LRRTM3: variants seen among roughly 807,000 people sequenced by gnomAD.
LRRTM3 encodes the protein leucine rich repeat transmembrane neuronal 3.
In LRRTM3, 24 loss-of-function variants were observed where a neutral mutation model predicts 44.7. That is an observed-to-expected ratio of 0.54 (90% CI 0.39 to 0.76). The LOEUF (loss-of-function observed/expected upper bound fraction) is 0.76. LRRTM3 is among the 30% of genes least tolerant of loss of function. LRRTM3 has a pLI of 0.00. For missense variants in LRRTM3, 587 were observed against 702.2 expected, an observed-to-expected ratio of 0.84 and a Z score of 1.85; for synonymous variants, 277 against 278.7, an observed-to-expected ratio of 0.99 and a Z score of 0.06.
intron 2 of LRRTM3, among the ~76,000 whole-genome samples, chr10:67,028,240 T>TTTG (rs1330984749): frequency 5.3e-5 from 8 of 152,154 alleles, no homozygotes; most frequent in Non-Finnish European, 8.8e-5. Context: ...TCATTGTTTG[T>TTTG]TTGTTGTTGT....
chr10:67,005,743 T>G (rs1252490697), intron 2 of LRRTM3, among the ~76,000 whole-genome samples: 3 of 124,642 alleles, frequency 2.4e-5, no homozygotes, highest in Admixed American at 2.2e-4. Flanking sequence ...TGGAGTGCAA[T>G]GGTATGATCT....
In LRRTM3 at chr10:67,074,613, G is replaced by A. The variant is rs546345946; in HGVS notation, c.1537-22974G>A. ...AATCCACCCACCTCGGGTTCCCAAA[G>A]TGCTGGGATTACAGGCGTGAGCCAC... On this transcript the variant is annotated intron_variant, in intron 2 of 2. Transcript: ENST00000361320. Among the ~76,000 whole-genome samples, 5 of 152,126 alleles carry A rather than the reference G, an allele frequency of 3.3e-5. No homozygotes were observed. In the South Asian group the frequency reaches 6.2e-4, roughly 19 times the overall value.
intron 2 of LRRTM3, among the ~76,000 whole-genome samples, chr10:67,038,007 G>T (rs1372032148): frequency 6.6e-6 from 1 of 152,108 alleles, no homozygotes; most frequent in Admixed American, 6.6e-5. Context: ...ATTCATGTAA[G>T]CCATAGGAGA....
At chr10:67,035,948 ACTTTTCTTG>A (rs1854023260) in intron 2 of LRRTM3, among the ~76,000 whole-genome samples, 1 of 152,170 alleles carries the variant, frequency 6.6e-6, no homozygotes, top group African/African-American at 2.4e-5. Flanking sequence ...GAACTAGACA[ACTTTTCTTG>A]CTTTTCTTTT....
At chr10:67,032,102 C>T (rs1018527033) in intron 2 of LRRTM3, among the ~76,000 whole-genome samples, 1 of 152,136 alleles carries the variant, frequency 6.6e-6, no homozygotes, top group Non-Finnish European at 1.5e-5. Context: ...GAAATCTTCA[C>T]CATTTTCCCA....
chr10:67,084,949 G>T (rs966774274), intron 2 of LRRTM3, among the ~76,000 whole-genome samples: 1 of 151,820 alleles, frequency 6.6e-6, no homozygotes, highest in Non-Finnish European at 1.5e-5. Flanking sequence ...TTTGTGCCTT[G>T]TATGTTATAA....
intron 2 of LRRTM3, among the ~76,000 whole-genome samples, chr10:66,982,888 G>GA (rs1850521505): frequency 6.6e-6 from 1 of 152,126 alleles, no homozygotes; most frequent in Admixed American, 6.6e-5. Context: ...AAGAAGGGGA[G>GA]AAGCATAAGA....
intron 2 of LRRTM3, among the ~76,000 whole-genome samples, chr10:66,941,818 A>C (rs372924250): frequency 3.9e-5 from 6 of 152,340 alleles, no homozygotes; most frequent in African/African-American, 1.4e-4. Flanking sequence ...AGAGGTTCTT[A>C]TATCCAAGTT....
chr10:66,942,833 A>G (rs745840576), intron 2 of LRRTM3, among the ~76,000 whole-genome samples: 1 of 152,194 alleles, frequency 6.6e-6, no homozygotes, highest in African/African-American at 2.4e-5. Flanking sequence ...AAAACACAAT[A>G]TCAATATTTA....
Position 66,927,167 on chromosome 10 carries a change from T to C in LRRTM3, c.251T>C (p.Leu84Pro). The change falls in exon 2 of 3, where the codon CTC becomes CCC. Residue 84 changes from leucine (L) to proline (P), a missense_variant. Around this residue, in one of 3 missense-constraint regions of LRRTM3, gnomAD observed 222 missense variants for 323.3 expected, o/e 0.69. Coordinates refer to ENST00000361320, the MANE Select transcript of LRRTM3 (RefSeq NM_178011.5). This position sits in a 1 kb window ranked among gnomAD's most constrained non-coding sequence, Gnocchi z 4.7. ...CTTAAGTATAATCAATTTAAAGGGCTCAACCAGCTCACCTGGCTATACCTT... is the reference window on the plus strand; with the variant it reads ...CTTAAGTATAATCAATTTAAAGGGCCCAACCAGCTCACCTGGCTATACCTT... ...QKLKYNQFKG[L>P]NQLTWLYLDH... 5 of 1,614,086 alleles carry C rather than the reference T, an allele frequency of 3.1e-6. No homozygotes were observed. The highest frequency in any genetic ancestry group is 4.2e-6 in the Non-Finnish European group (5 of 1,179,994).
At chr10:66,947,689 T>C (rs1589469785) in intron 2 of LRRTM3, among the ~76,000 whole-genome samples, 1 of 152,338 alleles carries the variant, frequency 6.6e-6, no homozygotes, top group East Asian at 1.9e-4. Context: ...CATTCTGTTT[T>C]CAAATATTTT....
At position 67,098,907 on chromosome 10, in the gene LRRTM3, G is replaced by A. The variant is rs1037983500; in HGVS notation, c.*1111G>A. ...CTTTTTATTTAGAACTGTGAGACCG[G>A]TATTTTGGAAACATTTCAAAGGAAA... On this transcript the variant is annotated 3_prime_UTR_variant, in exon 3 of 3. Coordinates refer to ENST00000361320, the MANE Select transcript of LRRTM3 (RefSeq NM_178011.5). 1 of 151,932 alleles carries A rather than the reference G, an allele frequency of 6.6e-6. No individual in the cohort carries two copies. Among genetic ancestry groups the A allele is most frequent in the Admixed American group, 6.6e-5 (1 of 15,226 alleles). 9.4% of individuals were successfully genotyped at this position (151,932 alleles called of 1,614,324 possible). A position where few individuals can be genotyped will look rare whatever the true frequency, so the allele number is the denominator to read the frequency against.
At chr10:67,058,136 C>T (rs1589674804) in intron 2 of LRRTM3, among the ~76,000 whole-genome samples, 1 of 152,088 alleles carries the variant, frequency 6.6e-6, no homozygotes, top group Non-Finnish European at 1.5e-5. Flanking sequence ...ATATTTAATA[C>T]CTCGAATTAC....
chr10:66,956,678 C>T (rs1848808227), intron 2 of LRRTM3, among the ~76,000 whole-genome samples: 1 of 152,132 alleles, frequency 6.6e-6, no homozygotes, highest in Admixed American at 6.6e-5. Flanking sequence ...GCTCTGTTTT[C>T]CTGCAGAGTA....
intron 2 of LRRTM3, among the ~76,000 whole-genome samples, chr10:67,029,481 C>T (rs967025039): frequency 1.3e-5 from 2 of 152,026 alleles, no homozygotes; most frequent in East Asian, 3.9e-4. Flanking sequence ...GCATGATAAC[C>T]GGTGGGTACT....
intron 2 of LRRTM3, among the ~76,000 whole-genome samples, chr10:67,054,249 A>T (rs1589668918): frequency 6.6e-6 from 1 of 152,210 alleles, no homozygotes; most frequent in Non-Finnish European, 1.5e-5. Flanking sequence ...AAATTTGTCA[A>T]CAATGTGGAG....
At chr10:66,944,415 C>T (rs1848177003) in intron 2 of LRRTM3, among the ~76,000 whole-genome samples, 1 of 152,166 alleles carries the variant, frequency 6.6e-6, no homozygotes, top group Non-Finnish European at 1.5e-5. Flanking sequence ...ATTTCCACCA[C>T]ATCTTCAGTT....
chr10:67,053,787 A>G (rs1020387635), intron 2 of LRRTM3, among the ~76,000 whole-genome samples: 1 of 152,176 alleles, frequency 6.6e-6, no homozygotes, highest in African/African-American at 2.4e-5. Context: ...GATGGAATTG[A>G]CTCATTTTCC....
At position 66,960,752 on chromosome 10, in the gene LRRTM3, T is replaced by C. The variant is rs572061556; in HGVS notation, c.1536+32300T>C. Among the ~76,000 whole-genome samples, 10 of 152,256 alleles carry C rather than the reference T, an allele frequency of 6.6e-5. No individual in the cohort carries two copies. The South Asian group carries it at 2.1e-3, about 32-fold the overall frequency. On this transcript the variant is annotated intron_variant, in intron 2 of 2. Coordinates refer to ENST00000361320, the MANE Select transcript of LRRTM3 (RefSeq NM_178011.5). ...AAATACAGAACAGAACAGAATGGCA[T>C]AGGATCTATGGTGGATAGCAACTTT...
Sources: allele counts gnomAD v4.1 joint callset (sites outside exome capture counted in the v4.1 genomes callset), GRCh38; gene constraint gnomAD v4.1.1; regional missense constraint gnomAD v4.1.1; non-coding constraint Gnocchi (gnomAD v3.1); transcripts MANE v1.5; gene names NCBI Gene and HGNC (gene_info 2026-07-23, HGNC 2026-07-21).